SLC9A7: variants seen among roughly 807,000 people sequenced by gnomAD.
The protein encoded by SLC9A7 is solute carrier family 9 member A7.
In SLC9A7, 19 loss-of-function variants were observed where a neutral mutation model predicts 52.6. That is an observed-to-expected ratio of 0.36 (90% CI 0.25 to 0.53). The LOEUF (loss-of-function observed/expected upper bound fraction) is 0.53. Among genes scored for constraint, SLC9A7 ranks in the 20% least tolerant of loss-of-function variants. The pLI, the probability that SLC9A7 is intolerant of heterozygous loss-of-function variation, is 0.91. For missense variants in SLC9A7, 455 were observed against 597.9 expected, an observed-to-expected ratio of 0.76 and a Z score of 2.49; for synonymous variants, 226 against 252.1, an observed-to-expected ratio of 0.90 and a Z score of 0.98.
chrX:46,705,489 G>A (rs1944590345), intron 1 of SLC9A7, among the ~76,000 whole-genome samples: 1 of 112,249 alleles, frequency 8.9e-6, no homozygotes, highest in African/African-American at 3.2e-5. Context: ...GCTCACGCCT[G>A]TAATTCCAGC....
chrX:46,748,364 AAAGGAAGGAAGGAAGGAAGG>A (rs57555325), intron 1 of SLC9A7, among the ~76,000 whole-genome samples: 9 of 51,264 alleles, frequency 1.8e-4, no homozygotes, highest in East Asian at 5.9e-4. Flanking sequence ...AAAAAGAAAG[AAAGGAAGGAAGGAAGGAAGG>A]AAGGAAGGAA....
At chrX:46,629,483 T>C (rs888686068) in intron 14 of SLC9A7, among the ~76,000 whole-genome samples, 20 of 112,336 alleles carry the variant, frequency 1.8e-4, no homozygotes, top group African/African-American at 6.5e-4. Context: ...GTGTTCCCAG[T>C]GCGCAGGGCT....
At chrX:46,747,633 A>G (rs975393751) in intron 1 of SLC9A7, among the ~76,000 whole-genome samples, 219 of 112,128 alleles carry the variant, frequency 2.0e-3, no homozygotes, top group African/African-American at 6.7e-3. Context: ...TTTGACAATG[A>G]CAATATAATG....
chrX:46,651,418 C>A lies in SLC9A7; in HGVS notation c.1148-14G>T. ...CAGCTACAACACCTGTTAAAACATC[C>A]CCCCAAAAAAAATCAATGGAAAAAA... On this transcript the variant is annotated splice_polypyrimidine_tract_variant and intron_variant, in intron 8 of 16. Coordinates refer to ENST00000616978, the MANE Select transcript of SLC9A7 (RefSeq NM_001257291.2). The A allele has an allele frequency of 8.6e-7, 1 of 1,163,388 alleles. No homozygotes were observed. The highest frequency in any genetic ancestry group is 1.2e-6 in the Non-Finnish European group (1 of 861,532).
chrX:46,682,341 G>A lies in SLC9A7; in HGVS notation c.520C>T (p.Arg174Trp), dbSNP rs1389804379. 11 of 1,210,303 alleles carry A rather than the reference G, an allele frequency of 9.1e-6. No homozygotes were observed. The highest frequency in any genetic ancestry group is 3.5e-5 in the South Asian group (2 of 56,954). ...GCTGAGTGTCCCCAGCTCACCTTCC[G>A]TAGCATATCATTCTGCTCTACGCTG... is the stretch of plus-strand genomic sequence containing the variant. Reference protein sequence around the residue: ...INSVEQNDMLRKVTFDPEVFF... With the variant: ...INSVEQNDMLWKVTFDPEVFF... The change falls in exon 2 of 17, where the codon CGG (arginine) becomes TGG (tryptophan). Residue 174 changes from arginine (R) to tryptophan (W), a missense_variant. Coordinates refer to ENST00000616978, the MANE Select transcript of SLC9A7 (RefSeq NM_001257291.2).
intron 1 of SLC9A7, among the ~76,000 whole-genome samples, chrX:46,758,397 G>C (rs1321382314): frequency 1.8e-5 from 2 of 112,019 alleles, no homozygotes; most frequent in African/African-American, 6.5e-5. Context: ...AGCTCAACTG[G>C]AGCGGGAGGT....
intron 1 of SLC9A7, among the ~76,000 whole-genome samples, chrX:46,749,260 AAAC>A (rs1483100798): frequency 8.9e-6 from 1 of 112,270 alleles, no homozygotes; most frequent in Admixed American, 9.4e-5. Flanking sequence ...AGAATGCACT[AAAC>A]AAACACTTCT....
intron 3 of SLC9A7, among the ~76,000 whole-genome samples, chrX:46,674,838 C>A (rs7065339): frequency 0.051 from 5,650 of 111,163 alleles, 346 homozygotes; most frequent in African/African-American, 0.18. Flanking sequence ...CATGCCCTGG[C>A]AAAGTCTTCA....
intron 1 of SLC9A7, among the ~76,000 whole-genome samples, chrX:46,703,481 C>T (rs1035503176): frequency 1.8e-4 from 20 of 111,897 alleles, no homozygotes; most frequent in Non-Finnish European, 3.2e-4. Flanking sequence ...TATTGCATTT[C>T]TTGGAATTCG....
intron 5 of SLC9A7, among the ~76,000 whole-genome samples, chrX:46,668,206 C>T (rs939142772): frequency 8.9e-6 from 1 of 112,209 alleles, no homozygotes; most frequent in Non-Finnish European, 1.9e-5. Flanking sequence ...CATTCTAAGA[C>T]GAAAGGCAAA....
At chrX:46,666,614 C>T (rs963299531) in intron 5 of SLC9A7, among the ~76,000 whole-genome samples, 1 of 111,984 alleles carries the variant, frequency 8.9e-6, no homozygotes, top group African/African-American at 3.2e-5. Context: ...CTTCATAGGC[C>T]AAATGAAAAT....
intron 1 of SLC9A7, among the ~76,000 whole-genome samples, chrX:46,727,632 T>A (rs1944966144): frequency 8.9e-6 from 1 of 112,096 alleles, no homozygotes; most frequent in African/African-American, 3.2e-5. Context: ...AGAGCCTGTG[T>A]CCCTGTACAA....
intron 3 of SLC9A7, among the ~76,000 whole-genome samples, chrX:46,678,360 G>A (rs1180007213): frequency 2.7e-5 from 3 of 111,191 alleles, no homozygotes; most frequent in African/African-American, 9.8e-5. Flanking sequence ...TTACCACAAT[G>A]GGAGAGGGAG....
chrX:46,620,697 A>C (rs1943031516), intron 15 of SLC9A7, among the ~76,000 whole-genome samples: 1 of 111,973 alleles, frequency 8.9e-6, no homozygotes, highest in Admixed American at 9.5e-5. Flanking sequence ...TCACCTAAAA[A>C]GGCATAGTTC....
At chrX:46,622,189 G>A (rs1488510142) in intron 14 of SLC9A7, among the ~76,000 whole-genome samples, 1 of 111,554 alleles carries the variant, frequency 9.0e-6, no homozygotes, top group African/African-American at 3.3e-5. Flanking sequence ...TATGGAAATG[G>A]CTCAGTTAAA....
intron 16 of SLC9A7, among the ~76,000 whole-genome samples, chrX:46,611,968 C>A (rs1350939763): frequency 1.8e-5 from 2 of 111,764 alleles, no homozygotes; most frequent in Non-Finnish European, 3.8e-5. Context: ...TTAGAACTTA[C>A]CTGTTTAGGG....
In SLC9A7 at chrX:46,631,340, G is replaced by A. The variant is rs1411180544; in HGVS notation, c.1740+246C>T. Among the ~76,000 whole-genome samples, 11 of 112,075 alleles carry A rather than the reference G, an allele frequency of 9.8e-5. 1 individual carries two copies. In the Admixed American group the frequency reaches 1.0e-3, roughly 11 times the overall value. ...AAGTGGAGAGTCAGGGACTCTTTCT[G>A]GCGAGCCCACACCCTTCATAATGTT... On this transcript the variant is annotated intron_variant, in intron 14 of 16. Coordinates refer to ENST00000616978, the MANE Select transcript of SLC9A7 (RefSeq NM_001257291.2).
At chrX:46,711,882 C>T (rs769696760) in intron 1 of SLC9A7, among the ~76,000 whole-genome samples, 3 of 84,383 alleles carry the variant, frequency 3.6e-5, no homozygotes, top group African/African-American at 9.2e-5. Context: ...CTCCCTTTAA[C>T]GGCACAGCCT....
At chrX:46,700,076 GC>G (rs1270887742) in intron 1 of SLC9A7, among the ~76,000 whole-genome samples, 1 of 108,923 alleles carries the variant, frequency 9.2e-6, no homozygotes, top group Non-Finnish European at 1.9e-5. Flanking sequence ...CCGCACTCCA[GC>G]CTGAGTGACA....
Sources: allele counts gnomAD v4.1 joint callset (sites outside exome capture counted in the v4.1 genomes callset), GRCh38; gene constraint gnomAD v4.1.1; transcripts MANE v1.5; gene names NCBI Gene and HGNC (gene_info 2026-07-23, HGNC 2026-07-21).